DSCAML1: variants seen among roughly 807,000 people sequenced by gnomAD.
The protein encoded by DSCAML1 is cell adhesion molecule DSCAML1.
In DSCAML1, 38 loss-of-function variants were observed where a neutral mutation model predicts 200.5. That is an observed-to-expected ratio of 0.19 (90% CI 0.15 to 0.25). DSCAML1 has a LOEUF of 0.25. Among genes scored for constraint, DSCAML1 ranks in the 10% least tolerant of loss-of-function variants. The pLI is 1.00. For missense variants in DSCAML1, 2,223 were observed against 2,858.8 expected, an observed-to-expected ratio of 0.78 and a Z score of 5.07; for synonymous variants, 1,215 against 1,165.0, an observed-to-expected ratio of 1.04 and a Z score of -0.87.
intron 21 of DSCAML1, 125 bp downstream of exon 21, chr11:117,443,761 C>T: frequency 1.5e-6 from 2 of 1,366,188 alleles, no homozygotes; most frequent in Non-Finnish European, 2.0e-6. Context: ...GGCGGGTGGC[C>T]AGTTCCTCAC....
intron 3 of DSCAML1, among the ~76,000 whole-genome samples, chr11:117,734,755 A>G (rs2054288505): frequency 1.3e-5 from 2 of 152,206 alleles, no homozygotes; most frequent in African/African-American, 4.8e-5. Flanking sequence ...CTGGTGCTTC[A>G]TAAGTATTTG....
chr11:117,430,635 G>T, intron 32 of DSCAML1, 87 bp downstream of exon 32: 3 of 1,440,188 alleles, frequency 2.1e-6, no homozygotes, highest in Non-Finnish European at 2.8e-6. Context: ...TGATCCTGGT[G>T]CTGGCAGAAC....
Position 117,524,872 on chromosome 11 carries a change from G to A in DSCAML1, c.870C>T (p.Gly290=). The part of the protein sequence containing the change: ...TISDLRTEDS[G]TYICEVTNTF... Reference sequence around the variant, plus strand: ...TGTTGGTGACCTCACAAATGTAGGTGCCGCTGTCCTCGGTCCGCAAGTCGC... The same window carrying A: ...TGTTGGTGACCTCACAAATGTAGGTACCGCTGTCCTCGGTCCGCAAGTCGC... Residue 290 remains glycine (G), a synonymous_variant, in exon 5 of 33, where the codon GGC becomes GGT. Transcript: ENST00000651296. 6.2e-7 allele frequency: 1 copy of A among 1,605,838 alleles called. No homozygotes were observed. Among genetic ancestry groups the A allele is most frequent in the Non-Finnish European group, 8.5e-7 (1 of 1,176,188 alleles).
chr11:117,816,384 G>A lies in DSCAML1; in HGVS notation c.-250+1006C>T, dbSNP rs559241686. On this transcript the variant is annotated intron_variant, in intron 1 of 2. Transcript: ENST00000525836. ...GCTCTGACAACAGGGCCGAGCTGCC[G>A]TGGCATTTGCCTCTGATCTCCGCTG... Among the ~76,000 whole-genome samples the A allele has an allele frequency of 5.3e-3, 812 of 152,328 alleles. 10 individuals carry two copies. The highest frequency in any genetic ancestry group is 7.4e-3 in the Non-Finnish European group (506 of 68,024).
intron 3 of DSCAML1, among the ~76,000 whole-genome samples, chr11:117,556,830 A>T (rs2050566885): frequency 6.6e-6 from 1 of 152,216 alleles, no homozygotes; most frequent in Admixed American, 6.5e-5. Flanking sequence ...TTATGTAGCC[A>T]TCCATCTAGA....
chr11:117,624,468 C>A (rs1453952806), intron 3 of DSCAML1, among the ~76,000 whole-genome samples: 1 of 152,132 alleles, frequency 6.6e-6, no homozygotes, highest in Non-Finnish European at 1.5e-5. Flanking sequence ...AAAGTCAGTG[C>A]ATTACAAGTT....
intron 32 of DSCAML1, among the ~76,000 whole-genome samples, chr11:117,429,951 G>A (rs957294911): frequency 4.6e-5 from 7 of 152,166 alleles, no homozygotes; most frequent in Admixed American, 3.9e-4. Context: ...TGTCATTCAG[G>A]GTCACAGTCT....
chr11:117,665,536 C>T (rs891985684), intron 3 of DSCAML1, among the ~76,000 whole-genome samples: 4 of 152,136 alleles, frequency 2.6e-5, no homozygotes, highest in African/African-American at 9.7e-5. Flanking sequence ...AATAGGGCCT[C>T]AGATTGGGTC....
At chr11:117,755,789 G>C (rs1209967029) in intron 3 of DSCAML1, among the ~76,000 whole-genome samples, 1 of 152,174 alleles carries the variant, frequency 6.6e-6, no homozygotes, top group Non-Finnish European at 1.5e-5. Context: ...TGGAAACAAA[G>C]GAGCACCTGG....
At chr11:117,736,673 C>T (rs1211754115) in intron 3 of DSCAML1, among the ~76,000 whole-genome samples, 1 of 152,196 alleles carries the variant, frequency 6.6e-6, no homozygotes, top group Non-Finnish European at 1.5e-5. Flanking sequence ...CTAACAGCTC[C>T]TCCCTGATCC....
chr11:117,529,843 C>T (rs992977091), intron 4 of DSCAML1, among the ~76,000 whole-genome samples: 2 of 152,004 alleles, frequency 1.3e-5, no homozygotes, highest in Non-Finnish European at 1.5e-5. Context: ...GAGCCTGAGA[C>T]GGGCTCTGGG....
At chr11:117,720,551 C>G (rs187144733) in intron 3 of DSCAML1, among the ~76,000 whole-genome samples, 1 of 152,308 alleles carries the variant, frequency 6.6e-6, no homozygotes, top group East Asian at 1.9e-4. Context: ...AAAACTGAAC[C>G]ACATCCCTTG....
In DSCAML1 at chr11:117,668,795, G is replaced by A. The variant is rs1323012376; in HGVS notation, c.511+107996C>T. On this transcript the variant is annotated intron_variant, in intron 3 of 32. Coordinates refer to ENST00000651296, the MANE Select transcript of DSCAML1 (RefSeq NM_020693.4). ...AGTAGAGAGAAGAGAAGCGAGGTGC[G>A]AACAATAGCCAACTTGCCTAAAACT... 3.9e-5 allele frequency: 6 copies of A among 152,184 alleles called. No individual in the cohort carries two copies. In the East Asian group the frequency reaches 9.6e-4, roughly 24 times the overall value. 9.4% of individuals were successfully genotyped at this position (152,184 alleles called of 1,614,324 possible). A position where few individuals can be genotyped will look rare whatever the true frequency, so the allele number is the denominator to read the frequency against.
intron 3 of DSCAML1, among the ~76,000 whole-genome samples, chr11:117,717,384 G>A (rs904398792): frequency 6.6e-6 from 1 of 152,002 alleles, no homozygotes; most frequent in Non-Finnish European, 1.5e-5. Flanking sequence ...TCCCCTTGAC[G>A]CTCCCTCAAC....
intron 26 of DSCAML1, 116 bp from the exon 27 acceptor site, chr11:117,435,915 C>T: frequency 4.4e-6 from 5 of 1,139,452 alleles, no homozygotes; most frequent in Middle Eastern, 2.6e-4. Context: ...CTCTGACCTC[C>T]ACCTCCTGGC....
At position 117,433,432 on chromosome 11, in the gene DSCAML1, G is replaced by T. The variant is rs972279702; in HGVS notation, c.4907+9C>A. 1.9e-6 allele frequency: 3 copies of T among 1,613,334 alleles called. No homozygotes were observed. In the Admixed American group the frequency reaches 5.0e-5, roughly 27 times the overall value. On this transcript the variant is annotated intron_variant, in intron 28 of 32. Coordinates refer to ENST00000651296, the MANE Select transcript of DSCAML1 (RefSeq NM_020693.4). ...GGGAGGAGAAAGGAAGCAGCTTGGT[G>T]ATACCCACCTTATCAACATTTCTGC... is the stretch of plus-strand genomic sequence containing the variant.
chr11:117,573,396 G>T (rs2050879883), intron 3 of DSCAML1, among the ~76,000 whole-genome samples: 1 of 152,208 alleles, frequency 6.6e-6, no homozygotes, highest in South Asian at 2.1e-4. Context: ...GGCTGCCTGT[G>T]ACAGCCCCTG....
intron 19 of DSCAML1, among the ~76,000 whole-genome samples, chr11:117,455,963 C>G (rs189306453): frequency 2.1e-3 from 316 of 152,322 alleles, no homozygotes; most frequent in African/African-American, 7.3e-3. Context: ...AGACAGCTGT[C>G]TCTACTGCCT....
At chr11:117,561,705 C>A (rs1357474666) in intron 3 of DSCAML1, among the ~76,000 whole-genome samples, 2 of 152,246 alleles carry the variant, frequency 1.3e-5, no homozygotes, top group Non-Finnish European at 2.9e-5. Context: ...CTCAGCTTTA[C>A]TTCTACTGAA....
Sources: allele counts gnomAD v4.1 joint callset (sites outside exome capture counted in the v4.1 genomes callset), GRCh38; gene constraint gnomAD v4.1.1; transcripts MANE v1.5; gene names NCBI Gene and HGNC (gene_info 2026-07-23, HGNC 2026-07-21).